Variants in LNX1 observed in about 807,000 individuals in gnomAD.
LNX1 encodes the protein ligand of numb-protein X 1, also known as E3 ubiquitin-protein ligase LNX.
In LNX1, 54 loss-of-function variants were observed where a neutral mutation model predicts 68.4. The observed-to-expected ratio is 0.79, with a 90% CI of 0.63 to 0.99. LNX1 has a LOEUF of 0.99. Ranked by LOEUF, LNX1 falls within the 50% of genes least tolerant of loss-of-function variation. LNX1 has a pLI of 0.00. For missense variants in LNX1, 906 were observed against 926.4 expected (o/e 0.98, Z 0.29); for synonymous variants, 336 against 350.0 (o/e 0.96, Z 0.45).
At chr4:53,559,226 T>A (rs527854585) in intron 2 of LNX1, among the ~76,000 whole-genome samples, 7 of 152,332 alleles carry the variant, frequency 4.6e-5, no homozygotes, top group African/African-American at 1.4e-4. Flanking sequence ...CTAAAGAGTT[T>A]AAATACAGAA....
chr4:53,478,300 G>C lies in LNX1; in HGVS notation c.1663+265C>G, dbSNP rs180880974. On this transcript the variant is annotated intron_variant, in intron 8 of 10. Coordinates refer to ENST00000263925, the MANE Select transcript of LNX1 (RefSeq NM_001126328.3). ...TTATGCCATTTAATAGAGGTAACTTGCTCATAACTGTAGCAGTTCTCTATT... is the reference window on the plus strand; with the variant it reads ...TTATGCCATTTAATAGAGGTAACTTCCTCATAACTGTAGCAGTTCTCTATT... Among the ~76,000 whole-genome samples the C allele has an allele frequency of 2.0e-5, 3 of 152,182 alleles. No individual in the cohort carries two copies. The East Asian group carries it at 5.8e-4, about 29-fold the overall frequency.
chr4:53,459,556 T>C lies in LNX1; in HGVS notation c.*1351A>G, dbSNP rs1407211687. On this transcript the variant is annotated 3_prime_UTR_variant, in exon 11 of 11. Transcript: ENST00000263925. ...AATTTACCTTAAATCTTGTTCTGTTTGTTAGTATGAAAAGTTAACTTTTTT... is the reference window on the plus strand; with the variant it reads ...AATTTACCTTAAATCTTGTTCTGTTCGTTAGTATGAAAAGTTAACTTTTTT... 1 of 1,493,688 alleles carries C rather than the reference T, an allele frequency of 6.7e-7. No homozygotes were observed. The highest frequency in any genetic ancestry group is 2.0e-5 in the Admixed American group (1 of 51,172). The allele number at this position is 1,493,688 out of a possible 1,614,324, so 92.5% of individuals were successfully genotyped here. A position where few individuals can be genotyped will look rare whatever the true frequency, so the allele number is the denominator to read the frequency against.
chr4:53,514,451 AG>A (rs1356528798), intron 2 of LNX1, among the ~76,000 whole-genome samples: 2 of 152,118 alleles, frequency 1.3e-5, no homozygotes, highest in African/African-American at 4.8e-5. Context: ...GAAGATGAGG[AG>A]GAGCAAAGTG....
chr4:53,500,553 A>AT (rs1725399286), intron 4 of LNX1: 1 of 152,212 alleles, frequency 6.6e-6, no homozygotes. Context: ...TAATGAATTA[A>AT]TAAGTACTCA....
intron 2 of LNX1, among the ~76,000 whole-genome samples, chr4:53,564,177 C>G (rs539160393): frequency 6.6e-6 from 1 of 152,284 alleles, no homozygotes; most frequent in East Asian, 1.9e-4. Context: ...GTTCATCAAG[C>G]CTCTATCTCA....
chr4:53,462,804 A>G (rs1246719713), intron 9 of LNX1, among the ~76,000 whole-genome samples: 2 of 152,130 alleles, frequency 1.3e-5, no homozygotes, highest in Non-Finnish European at 2.9e-5. Flanking sequence ...AAAAGTATGA[A>G]TTTCATTAAA....
upstream of LNX1, among the ~76,000 whole-genome samples, chr4:53,622,326 C>T (rs1258344538): frequency 8.6e-5 from 13 of 151,876 alleles, no homozygotes; most frequent in Admixed American, 7.2e-4. Flanking sequence ...TTTCAAAGTG[C>T]GTGGATTAGA....
At chr4:53,583,028 T>C (rs1337886534) in intron 1 of LNX1, among the ~76,000 whole-genome samples, 1 of 152,178 alleles carries the variant, frequency 6.6e-6, no homozygotes, top group Non-Finnish European at 1.5e-5. Context: ...GGGGGGAAAA[T>C]AATTGCCAAA....
Position 53,478,551 on chromosome 4 carries a change from C to G in LNX1, c.1663+14G>C, listed in dbSNP as rs767584386. 1.3e-6 allele frequency: 2 copies of G among 1,598,006 alleles called. No individual in the cohort carries two copies. Among genetic ancestry groups the G allele is most frequent in the Non-Finnish European group, 1.7e-6 (2 of 1,170,418 alleles). ...CTGCCACCCCAGTGCCTTTAAAATCCCTTTACTTTTTACCTGTTTTTATTC... is the reference window on the plus strand; with the variant it reads ...CTGCCACCCCAGTGCCTTTAAAATCGCTTTACTTTTTACCTGTTTTTATTC... On this transcript the variant is annotated intron_variant, in intron 8 of 10. Transcript: ENST00000263925.
At chr4:53,486,644 G>T (rs1724313744) in intron 6 of LNX1, among the ~76,000 whole-genome samples, 1 of 152,152 alleles carries the variant, frequency 6.6e-6, no homozygotes, top group Non-Finnish European at 1.5e-5. Flanking sequence ...CCAGAGGTGG[G>T]ACCAATTACT....
At chr4:53,489,951 G>A (rs1024043266) in intron 6 of LNX1, among the ~76,000 whole-genome samples, 12 of 151,928 alleles carry the variant, frequency 7.9e-5, no homozygotes, top group African/African-American at 2.7e-4. Flanking sequence ...ACTGGCTCCG[G>A]GGGACTTGAA....
intron 2 of LNX1, among the ~76,000 whole-genome samples, chr4:53,566,815 A>C (rs1221463183): frequency 2.0e-5 from 3 of 149,846 alleles, no homozygotes; most frequent in Non-Finnish European, 4.5e-5. Context: ...TCTACCAAGC[A>C]AATGGAAAAC....
chr4:53,610,663 G>T (rs1350543292), intron 2 of LNX1, among the ~76,000 whole-genome samples: 2 of 139,054 alleles, frequency 1.4e-5, no homozygotes. Context: ...AGCCGAGATC[G>T]CACCACTGTA....
chr4:53,572,003 C>T (rs945176167), intron 2 of LNX1, among the ~76,000 whole-genome samples: 37 of 152,136 alleles, frequency 2.4e-4, no homozygotes, highest in Non-Finnish European at 1.6e-4. Flanking sequence ...TTTGTTACAG[C>T]AGCAACAAGA....
At chr4:53,498,881 C>T (rs1293429992) in intron 4 of LNX1, 38 bp from the exon 5 acceptor site, 1 of 1,474,482 alleles carries the variant, frequency 6.8e-7, no homozygotes, top group African/African-American at 1.4e-5. Flanking sequence ...AGACACCCAC[C>T]CAATGGACCT....
intron 2 of LNX1, among the ~76,000 whole-genome samples, chr4:53,523,664 C>A (rs1727409598): frequency 6.6e-6 from 1 of 152,186 alleles, no homozygotes; most frequent in South Asian, 2.1e-4. Context: ...GACTAGGAGA[C>A]TAGGGATTTT....
chr4:53,466,699 C>G (rs1024522335), intron 9 of LNX1, among the ~76,000 whole-genome samples: 1 of 152,232 alleles, frequency 6.6e-6, no homozygotes, highest in Admixed American at 6.5e-5. Flanking sequence ...TATCCCGCAC[C>G]TGGCTCGGAG....
At chr4:53,501,309 G>GGGGGGGA (rs1560630604) in intron 4 of LNX1, among the ~76,000 whole-genome samples, 1 of 115,892 alleles carries the variant, frequency 8.6e-6, no homozygotes, top group African/African-American at 3.1e-5. Context: ...TGGGGGTGGG[G>GGGGGGGA]GGACAGGATC....
At chr4:53,582,000 C>T (rs1335554247) in intron 1 of LNX1, among the ~76,000 whole-genome samples, 1 of 152,088 alleles carries the variant, frequency 6.6e-6, no homozygotes, top group East Asian at 1.9e-4. Context: ...ATTAGGATTA[C>T]TGAATTTTTC....
Sources: allele counts gnomAD v4.1 joint callset (sites outside exome capture counted in the v4.1 genomes callset), GRCh38; gene constraint gnomAD v4.1.1; transcripts MANE v1.5; gene names NCBI Gene and HGNC (gene_info 2026-07-23, HGNC 2026-07-21).